The following NCKAP5 variants were observed in gnomAD, a reference collection of about 807,000 sequenced individuals.
The protein encoded by NCKAP5 is nck-associated protein 5.
In NCKAP5, 92 loss-of-function variants were observed where a neutral mutation model predicts 167.0. The ratio of observed to expected loss-of-function variants is 0.55; its 90% CI spans 0.47 to 0.66. The LOEUF (loss-of-function observed/expected upper bound fraction) is 0.66, where lower values mean the gene tolerates loss of function less well. NCKAP5 is among the 30% of genes least tolerant of loss of function. The probability of loss-of-function intolerance (pLI) is 0.00; values close to 1 mark genes in which losing one functional copy is unlikely to be tolerated. For missense variants in NCKAP5, 2,378 were observed against 2,315.0 expected, an observed-to-expected ratio of 1.03 and a Z score of -0.56; for synonymous variants, 891 against 877.4, an observed-to-expected ratio of 1.02 and a Z score of -0.27.
chr2:133,214,446 A>C (rs1013395051), intron 4 of NCKAP5, among the ~76,000 whole-genome samples: 8 of 152,286 alleles, frequency 5.3e-5, no homozygotes, highest in African/African-American at 1.9e-4. Context: ...TCTGCTTATC[A>C]TTTCTTCAGT....
chr2:133,230,773 C>T (rs1218722853), intron 4 of NCKAP5, among the ~76,000 whole-genome samples: 1 of 152,176 alleles, frequency 6.6e-6, no homozygotes, highest in East Asian at 1.9e-4. Flanking sequence ...AAACCGACTT[C>T]AACACTAGTT....
intron 7 of NCKAP5, among the ~76,000 whole-genome samples, chr2:132,973,161 C>T (rs1330035094): frequency 6.6e-6 from 1 of 152,194 alleles, no homozygotes; most frequent in Admixed American, 6.5e-5. Context: ...TGGGGAGTGA[C>T]TCTAGGTCTG....
intron 3 of NCKAP5, among the ~76,000 whole-genome samples, chr2:133,303,408 G>A (rs995314801): frequency 2.6e-5 from 4 of 152,146 alleles, no homozygotes; most frequent in South Asian, 2.1e-4. Context: ...TGGAGTCTGT[G>A]TTCTACTGTA....
the NCKAP5 span, among the ~76,000 whole-genome samples, chr2:133,625,868 C>G: frequency 1.8e-5 from 2 of 109,582 alleles, no homozygotes; most frequent in Non-Finnish European, 3.7e-5. Flanking sequence ...CGAGACTTGT[C>G]TCAAAAAAAA....
At chr2:133,391,123 A>G (rs1190226529) in intron 3 of NCKAP5, 3 of 152,164 alleles carry the variant, frequency 2.0e-5, no homozygotes, top group South Asian at 2.1e-4. Flanking sequence ...CATTGTGCCA[A>G]CTACCATCTA....
the NCKAP5 span, among the ~76,000 whole-genome samples, chr2:133,607,567 A>G: frequency 6.6e-6 from 1 of 152,198 alleles, no homozygotes; most frequent in Admixed American, 6.5e-5. Context: ...GAGACTGAGG[A>G]AGAGAGACTC....
At chr2:133,599,491 G>T in the NCKAP5 span, among the ~76,000 whole-genome samples, 1 of 152,208 alleles carries the variant, frequency 6.6e-6, no homozygotes, top group East Asian at 1.9e-4. Flanking sequence ...TGGCTTGGCA[G>T]CATAAGGATA....
chr2:133,248,840 A>G (rs1456043083), intron 4 of NCKAP5, among the ~76,000 whole-genome samples: 1 of 152,162 alleles, frequency 6.6e-6, no homozygotes, highest in Non-Finnish European at 1.5e-5. Flanking sequence ...GGTCCTTGGA[A>G]AAGTCCATTT....
chr2:133,606,698 G>A, the NCKAP5 span, among the ~76,000 whole-genome samples: 7 of 135,450 alleles, frequency 5.2e-5, no homozygotes, highest in African/African-American at 2.2e-4. Flanking sequence ...CCAAGCTTGA[G>A]AATCTCTGCC....
chr2:133,620,962 A>G, the NCKAP5 span, among the ~76,000 whole-genome samples: 1 of 152,264 alleles, frequency 6.6e-6, no homozygotes, highest in South Asian at 2.1e-4. Context: ...ATCAACTCCA[A>G]AAGGAACCCT....
chr2:133,244,560 G>C (rs1422509986), intron 4 of NCKAP5, among the ~76,000 whole-genome samples: 1 of 152,022 alleles, frequency 6.6e-6, no homozygotes, highest in Non-Finnish European at 1.5e-5. Flanking sequence ...CTTAAGAAAT[G>C]CCATAAAGAT....
At chr2:133,187,863 A>T (rs1405387277) in intron 5 of NCKAP5, among the ~76,000 whole-genome samples, 1 of 151,876 alleles carries the variant, frequency 6.6e-6, no homozygotes, top group African/African-American at 2.4e-5. Flanking sequence ...TTTTGAGCCT[A>T]TATGCGTTTG....
chr2:133,357,444 A>G (rs906995515), intron 3 of NCKAP5, among the ~76,000 whole-genome samples: 1 of 152,192 alleles, frequency 6.6e-6, no homozygotes, highest in Non-Finnish European at 1.5e-5. Flanking sequence ...AAATGGAGTA[A>G]ATCAGTCCCA....
chr2:132,903,757 GTTC>G (rs1413626377), intron 8 of NCKAP5, among the ~76,000 whole-genome samples: 1 of 152,158 alleles, frequency 6.6e-6, no homozygotes, highest in Non-Finnish European at 1.5e-5. Flanking sequence ...TTGGGAGGAA[GTTC>G]TTATTTTTTC....
chr2:132,690,698 C>A (rs1558927056), intron 19 of NCKAP5, among the ~76,000 whole-genome samples: 1 of 152,140 alleles, frequency 6.6e-6, no homozygotes, highest in African/African-American at 2.4e-5. Flanking sequence ...ATTTTCCAGG[C>A]TCCCTTTATT....
In NCKAP5 at chr2:132,673,072, TAAAG is replaced by T. The variant is rs1047052462; in HGVS notation, c.*213_*216del. 9.4e-6 allele frequency: 11 copies of T among 1,168,442 alleles called. No homozygotes were observed. The highest frequency in any genetic ancestry group is 1.1e-5 in the Non-Finnish European group (10 of 948,850). The allele number at this position is 1,168,442 out of a possible 1,614,324, so 72.4% of individuals were successfully genotyped here. ...TGGCACAGGAAGAGAAGCTATCATA[TAAAG>T]AATCACTCAAAGATTCCAAGTTGTC... On this transcript the variant is annotated 3_prime_UTR_variant, in exon 20 of 20. Coordinates refer to ENST00000409261, the MANE Select transcript of NCKAP5 (RefSeq NM_207363.3).
chr2:133,043,155 T>C (rs927077343), intron 6 of NCKAP5, among the ~76,000 whole-genome samples: 2 of 152,172 alleles, frequency 1.3e-5, no homozygotes, highest in Non-Finnish European at 2.9e-5. Context: ...ATGCCACAAA[T>C]TATTCTGTGA....
At position 132,974,347 on chromosome 2, in the gene NCKAP5, G is replaced by A. The variant is rs139681030; in HGVS notation, c.430-10478C>T. 6.6e-3 allele frequency among the ~76,000 whole-genome samples: 998 copies of A among 152,330 alleles called. 5 individuals are homozygous for A. Among genetic ancestry groups the A allele is most frequent in the Middle Eastern group, 0.02 (6 of 294 alleles). ...CACATGAGGCAGAGATCAGGGTGGTGTTAAAATGAAATATGCTCTTTCCAG... is the reference window on the plus strand; with the variant it reads ...CACATGAGGCAGAGATCAGGGTGGTATTAAAATGAAATATGCTCTTTCCAG... On this transcript the variant is annotated intron_variant, in intron 7 of 19. Coordinates refer to ENST00000409261, the MANE Select transcript of NCKAP5 (RefSeq NM_207363.3).
chr2:133,160,620 A>G (rs920297254), intron 5 of NCKAP5, among the ~76,000 whole-genome samples: 62 of 152,100 alleles, frequency 4.1e-4, no homozygotes, highest in African/African-American at 1.4e-3. Flanking sequence ...TGAAAGCTAA[A>G]TATATAAAAT....
Sources: allele counts gnomAD v4.1 joint callset (sites outside exome capture counted in the v4.1 genomes callset), GRCh38; gene constraint gnomAD v4.1.1; transcripts MANE v1.5; gene names NCBI Gene and HGNC (gene_info 2026-07-23, HGNC 2026-07-21).